Variants in LRRTM4 observed in about 807,000 individuals in gnomAD.
LRRTM4 encodes the protein leucine-rich repeat transmembrane neuronal protein 4.
Under a neutral mutation model 47.6 loss-of-function variants are expected in LRRTM4, and 25 were observed. The ratio of observed to expected loss-of-function variants is 0.53; its 90% CI spans 0.38 to 0.73. The LOEUF (loss-of-function observed/expected upper bound fraction) is 0.73. LRRTM4 is among the 30% of genes least tolerant of loss of function. The pLI is 0.00. For synonymous variants in LRRTM4, 311 were observed against 269.5 expected (o/e 1.15, Z -1.51); for missense variants, 638 against 713.4 (o/e 0.89, Z 1.20).
intron 3 of LRRTM4, among the ~76,000 whole-genome samples, chr2:76,999,047 A>C (rs977103649): frequency 1.3e-5 from 2 of 151,932 alleles, no homozygotes; most frequent in African/African-American, 4.8e-5. Flanking sequence ...GAAGTTTTTG[A>C]CTTCATAGAT....
intron 3 of LRRTM4, among the ~76,000 whole-genome samples, chr2:77,449,862 C>T (rs368548914): frequency 2.0e-5 from 3 of 152,152 alleles, no homozygotes; most frequent in South Asian, 2.1e-4. Context: ...GTCTCTCCAG[C>T]GCTGCTGTTA....
chr2:77,297,039 G>A (rs2104149090), intron 3 of LRRTM4, among the ~76,000 whole-genome samples: 1 of 152,292 alleles, frequency 6.6e-6, no homozygotes, highest in South Asian at 2.1e-4. Flanking sequence ...GATTCCTCCA[G>A]TATGCCGGCA....
intron 3 of LRRTM4, among the ~76,000 whole-genome samples, chr2:77,176,195 T>C (rs1283747326): frequency 1.3e-5 from 2 of 152,140 alleles, no homozygotes; most frequent in Non-Finnish European, 2.9e-5. Context: ...TTGATATAAA[T>C]AAATATAAAG....
chr2:77,025,062 A>T (rs1456899676), intron 3 of LRRTM4, among the ~76,000 whole-genome samples: 1 of 152,182 alleles, frequency 6.6e-6, no homozygotes, highest in East Asian at 1.9e-4. Flanking sequence ...AAATTGTGAT[A>T]AAAATCAGTA....
At chr2:76,859,611 A>G (rs1672254765) in intron 3 of LRRTM4, among the ~76,000 whole-genome samples, 3 of 152,166 alleles carry the variant, frequency 2.0e-5, no homozygotes, top group Non-Finnish European at 2.9e-5. Context: ...TGCAAAATAT[A>G]TAGATAATAA....
intron 3 of LRRTM4, among the ~76,000 whole-genome samples, chr2:77,251,228 CATATAGGTGTGTGTGTGTGTGTA>C (rs1675605369): frequency 4.6e-5 from 3 of 64,978 alleles, no homozygotes; most frequent in African/African-American, 2.0e-4. Context: ...TGTATATATA[CATATAGGTGTGTGTGTGTGTGTA>C]TATATATATA....
intron 3 of LRRTM4, among the ~76,000 whole-genome samples, chr2:77,090,315 G>A (rs1338156897): frequency 6.6e-6 from 1 of 152,028 alleles, no homozygotes; most frequent in Non-Finnish European, 1.5e-5. Context: ...TAAAAATCCA[G>A]CCCAGTTCAT....
chr2:76,908,851 A>T (rs1054148459), intron 3 of LRRTM4, among the ~76,000 whole-genome samples: 5 of 152,176 alleles, frequency 3.3e-5, no homozygotes, highest in African/African-American at 1.2e-4. Context: ...AGAGGATACA[A>T]ACAAATGGAA....
At chr2:76,893,831 G>T (rs914090994) in intron 3 of LRRTM4, among the ~76,000 whole-genome samples, 1 of 151,806 alleles carries the variant, frequency 6.6e-6, no homozygotes, top group Non-Finnish European at 1.5e-5. Flanking sequence ...CTCTAAATCA[G>T]ATCTGAAAAA....
chr2:76,911,939 G>A (rs571186072), intron 3 of LRRTM4, among the ~76,000 whole-genome samples: 2 of 101,664 alleles, frequency 2.0e-5, no homozygotes, highest in South Asian at 2.8e-4. Context: ...GCTTTTTGGG[G>A]GGGGGGGGGG....
At chr2:77,209,806 G>A (rs1387167234) in intron 3 of LRRTM4, among the ~76,000 whole-genome samples, 2 of 152,188 alleles carry the variant, frequency 1.3e-5, no homozygotes, top group Non-Finnish European at 2.9e-5. Context: ...AAGCCATTAG[G>A]AGAAACTGTG....
chr2:76,852,574 G>A (rs770177147), intron 3 of LRRTM4, among the ~76,000 whole-genome samples: 16 of 152,080 alleles, frequency 1.1e-4, no homozygotes, highest in South Asian at 4.1e-4. Flanking sequence ...ATTAGCATTT[G>A]TCTATACATT....
intron 3 of LRRTM4, among the ~76,000 whole-genome samples, chr2:77,259,243 C>T (rs1293034755): frequency 6.6e-6 from 1 of 151,992 alleles, no homozygotes; most frequent in East Asian, 1.9e-4. Flanking sequence ...GGCTGTATGA[C>T]ATTGAGCAAA....
chr2:76,761,380 A>G (rs1309394275), intron 3 of LRRTM4, among the ~76,000 whole-genome samples: 1 of 152,184 alleles, frequency 6.6e-6, no homozygotes, highest in Non-Finnish European at 1.5e-5. Flanking sequence ...TTAAACTGCT[A>G]TCCTCTTAGT....
chr2:77,177,141 G>C (rs968347052), intron 3 of LRRTM4, among the ~76,000 whole-genome samples: 4 of 152,096 alleles, frequency 2.6e-5, no homozygotes, highest in African/African-American at 9.7e-5. Flanking sequence ...CTCTACCTAT[G>C]GAGTAGCCAC....
chr2:77,212,011 C>T (rs1157789332), intron 3 of LRRTM4, among the ~76,000 whole-genome samples: 1 of 151,850 alleles, frequency 6.6e-6, no homozygotes, highest in African/African-American at 2.4e-5. Context: ...CCAATGGCAC[C>T]TGAGCATGTT....
chr2:77,340,561 C>T (rs1296161927), intron 3 of LRRTM4, among the ~76,000 whole-genome samples: 1 of 151,866 alleles, frequency 6.6e-6, no homozygotes, highest in Admixed American at 6.6e-5. Context: ...GATTGTTGAC[C>T]TTTAAAACAC....
At chr2:76,855,800 T>C (rs1018060511) in intron 3 of LRRTM4, among the ~76,000 whole-genome samples, 1 of 152,088 alleles carries the variant, frequency 6.6e-6, no homozygotes, top group Non-Finnish European at 1.5e-5. Flanking sequence ...GACCCTCAGT[T>C]GGGTGGAGGG....
At position 77,384,652 on chromosome 2, in the gene LRRTM4, T is replaced by A. The variant is rs370309138; in HGVS notation, c.1551+133666A>T. Among the ~76,000 whole-genome samples the A allele has an allele frequency of 2.0e-4, 30 of 152,086 alleles. No homozygotes were observed. The South Asian group carries it at 2.9e-3, about 15-fold the overall frequency. On this transcript the variant is annotated intron_variant, in intron 3 of 3. Coordinates refer to ENST00000409884, the MANE Select transcript of LRRTM4 (RefSeq NM_001134745.3). ...AAAACTTGGATGTTCAAGGAAAAGATTAAAGAAAAGATAGAACCCAAATTG... is the reference window on the plus strand; with the variant it reads ...AAAACTTGGATGTTCAAGGAAAAGAATAAAGAAAAGATAGAACCCAAATTG...
Sources: allele counts gnomAD v4.1 joint callset (sites outside exome capture counted in the v4.1 genomes callset), GRCh38; gene constraint gnomAD v4.1.1; transcripts MANE v1.5; gene names NCBI Gene and HGNC (gene_info 2026-07-23, HGNC 2026-07-21).